The following CARMIL1 variants were observed in gnomAD, a reference collection of about 807,000 sequenced individuals.
CARMIL1 encodes F-actin-uncapping protein LRRC16A.
A neutral mutation model predicts 177.1 loss-of-function variants in CARMIL1; 90 were observed. That is an observed-to-expected ratio of 0.51 (90% confidence interval 0.43 to 0.61). CARMIL1 has a LOEUF of 0.61. CARMIL1 is among the 20% of genes least tolerant of loss of function. CARMIL1 has a pLI of 0.00. For missense variants in CARMIL1, 1,380 were observed against 1,667.0 expected, an observed-to-expected ratio of 0.83 and a Z score of 3.00; for synonymous variants, 577 against 606.2, an observed-to-expected ratio of 0.95 and a Z score of 0.71.
chr6:25,327,648 T>C (rs1489022667), intron 2 of CARMIL1, among the ~76,000 whole-genome samples: 2 of 150,238 alleles, frequency 1.3e-5, no homozygotes, highest in East Asian at 3.9e-4. Context: ...CAGCCGGTCA[T>C]ATTTTCTTTT....
At chr6:25,426,400 T>C in intron 3 of CARMIL1, 101 bp from the exon 4 acceptor site, 3 of 899,448 alleles carry the variant, frequency 3.3e-6, no homozygotes, top group Non-Finnish European at 5.0e-6. Flanking sequence ...TTGGGCTGTT[T>C]CTAGTTGTAG....
At chr6:25,486,690 TTCC>T (rs1802689670) in intron 12 of CARMIL1, among the ~76,000 whole-genome samples, 1 of 152,158 alleles carries the variant, frequency 6.6e-6, no homozygotes, top group Admixed American at 6.5e-5. Flanking sequence ...TTAATCAAAT[TTCC>T]TCCTCCTCTA....
chr6:25,403,396 C>G lies in CARMIL1; in HGVS notation c.139-16718C>G, dbSNP rs192877688. 2.0e-4 allele frequency among the ~76,000 whole-genome samples: 30 copies of G among 152,202 alleles called. No individual in the cohort carries two copies. The East Asian group carries it at 5.0e-3, about 26-fold the overall frequency. On this transcript the variant is annotated intron_variant, in intron 2 of 36. Coordinates refer to ENST00000329474, the MANE Select transcript of CARMIL1 (RefSeq NM_017640.6). ...CCCCTGCCTGAGCTCCCTGCTTCCA[C>G]TCTCCTTCTCTCACCCAACATGGCA...
At chr6:25,408,594 C>G (rs1387747533) in intron 2 of CARMIL1, among the ~76,000 whole-genome samples, 1 of 152,160 alleles carries the variant, frequency 6.6e-6, no homozygotes, top group African/African-American at 2.4e-5. Context: ...GAAAGTAAGG[C>G]ACACAGAGGT....
chr6:25,518,324 T>C (rs1326867314), intron 22 of CARMIL1, among the ~76,000 whole-genome samples: 1 of 152,214 alleles, frequency 6.6e-6, no homozygotes, highest in Non-Finnish European at 1.5e-5. Flanking sequence ...CAAGGCATTT[T>C]ACCTCTCTGA....
At chr6:25,361,180 ACTTTTT>A (rs1370102167) in intron 2 of CARMIL1, among the ~76,000 whole-genome samples, 1 of 152,180 alleles carries the variant, frequency 6.6e-6, no homozygotes, top group Non-Finnish European at 1.5e-5. Flanking sequence ...ATTTAAGAAT[ACTTTTT>A]CTTATTCATT....
At chr6:25,397,136 G>T (rs1411601760) in intron 2 of CARMIL1, among the ~76,000 whole-genome samples, 5 of 152,156 alleles carry the variant, frequency 3.3e-5, no homozygotes, top group Non-Finnish European at 7.3e-5. Context: ...GAAAAGGTTT[G>T]CAGGCATATT....
At chr6:25,369,641 T>G (rs1019924265) in intron 2 of CARMIL1, among the ~76,000 whole-genome samples, 1 of 152,150 alleles carries the variant, frequency 6.6e-6, no homozygotes, top group Non-Finnish European at 1.5e-5. Context: ...AGGCTGGGCC[T>G]TTGGTTCACA....
At chr6:25,432,823 A>C (rs1796919329) in intron 4 of CARMIL1, 1 of 152,160 alleles carries the variant, frequency 6.6e-6, no homozygotes, top group Non-Finnish European at 1.5e-5. Context: ...CTTGAAGTTT[A>C]GTCAGGTTGT....
At chr6:25,347,880 C>A (rs936182980) in intron 2 of CARMIL1, among the ~76,000 whole-genome samples, 5 of 152,164 alleles carry the variant, frequency 3.3e-5, no homozygotes, top group Admixed American at 1.3e-4. Context: ...TTTAGTCTTA[C>A]AATCAGTAGT....
chr6:25,329,892 T>C (rs1388494365), intron 2 of CARMIL1, among the ~76,000 whole-genome samples: 1 of 152,250 alleles, frequency 6.6e-6, no homozygotes, highest in Non-Finnish European at 1.5e-5. Context: ...TAGTTCCCAG[T>C]CTGGGCATCA....
intron 4 of CARMIL1, among the ~76,000 whole-genome samples, chr6:25,431,217 G>C (rs1796747845): frequency 6.6e-6 from 1 of 151,744 alleles, no homozygotes; most frequent in South Asian, 2.1e-4. Flanking sequence ...TCTGATCTTT[G>C]TTCTTTCCTT....
At chr6:25,359,465 A>G (rs1018115376) in intron 2 of CARMIL1, among the ~76,000 whole-genome samples, 13 of 152,244 alleles carry the variant, frequency 8.5e-5, no homozygotes, top group African/African-American at 2.9e-4. Flanking sequence ...TTAAGCTGGT[A>G]CAGGGCTCAA....
At chr6:25,459,218 C>CTTTCTTTCTTTCTTTCTTTCTTTT (rs1799808192) in intron 8 of CARMIL1, among the ~76,000 whole-genome samples, 1 of 61,080 alleles carries the variant, frequency 1.6e-5, no homozygotes, top group Non-Finnish European at 3.0e-5. Context: ...CTTTTTCTTT[C>CTTTCTTTCTTTCTTTCTTTCTTTT]TTTCTTTCTT....
intron 5 of CARMIL1, among the ~76,000 whole-genome samples, chr6:25,442,654 G>A (rs1019524455): frequency 6.6e-6 from 1 of 152,060 alleles, no homozygotes; most frequent in Non-Finnish European, 1.5e-5. Context: ...TGGAAATTTA[G>A]TTTTTACAAC....
At chr6:25,453,705 A>C (rs1364015867) in intron 8 of CARMIL1, among the ~76,000 whole-genome samples, 1 of 152,150 alleles carries the variant, frequency 6.6e-6, no homozygotes, top group East Asian at 1.9e-4. Context: ...TGCACCTTCC[A>C]TGCAAAGGGC....
At chr6:25,494,280 C>T (rs1253206235) in intron 15 of CARMIL1, among the ~76,000 whole-genome samples, 5 of 152,172 alleles carry the variant, frequency 3.3e-5, no homozygotes, top group South Asian at 2.1e-4. Flanking sequence ...GAATAACTAT[C>T]GTTAAGTGAG....
At chr6:25,560,317 TGG>T (rs1810990460) in intron 29 of CARMIL1, among the ~76,000 whole-genome samples, 5 of 152,138 alleles carry the variant, frequency 3.3e-5, no homozygotes, top group Admixed American at 2.0e-4. Flanking sequence ...CTAGTTCAGG[TGG>T]TAGGACACAG....
At chr6:25,612,893 G>A (rs1816615225) in intron 36 of CARMIL1, 2 of 985,368 alleles carry the variant, frequency 2.0e-6, no homozygotes, top group Non-Finnish European at 2.4e-6. Context: ...AATGGTTAGA[G>A]CCTTCGATTA....
Sources: allele counts gnomAD v4.1 joint callset (sites outside exome capture counted in the v4.1 genomes callset), GRCh38; gene constraint gnomAD v4.1.1; transcripts MANE v1.5; gene names NCBI Gene and HGNC (gene_info 2026-07-23, HGNC 2026-07-21).